SLC51B: variants seen among roughly 807,000 people sequenced by gnomAD.
SLC51B encodes the protein SLC51 subunit beta, also known as organic solute transporter subunit beta.
A neutral mutation model predicts 8.0 loss-of-function variants in SLC51B; 6 were observed. The ratio of observed to expected loss-of-function variants is 0.75; its 90% CI spans 0.41 to 1.48. The LOEUF is 1.48. Ranked by LOEUF, SLC51B falls within the 40% of genes most tolerant of loss-of-function variation. SLC51B has a pLI of 0.01. For synonymous variants in SLC51B, 61 were observed against 54.8 expected (o/e 1.11, Z -0.50); for missense variants, 150 against 149.7 (o/e 1.00, Z -0.01).
intron 1 of SLC51B, among the ~76,000 whole-genome samples, chr15:65,046,192 T>G (rs892719971): frequency 6.6e-6 from 1 of 152,236 alleles, no homozygotes; most frequent in Non-Finnish European, 1.5e-5. Context: ...TCCCAGCTAC[T>G]CAGGAAGCTG....
intron 3 of SLC51B, 114 bp downstream of exon 3, chr15:65,051,719 G>A: frequency 3.3e-6 from 3 of 912,946 alleles, no homozygotes; most frequent in Non-Finnish European, 5.1e-6. Context: ...CACCCTTTGG[G>A]ACAGCAAAAT....
intron 1 of SLC51B, chr15:65,049,334 A>G (rs565980123): frequency 2.0e-5 from 3 of 150,600 alleles, no homozygotes; most frequent in Non-Finnish European, 1.5e-5. Flanking sequence ...GTCCAAAAAA[A>G]AAAGAAAAAG....
chr15:65,048,185 GAA>G (rs1566949973), intron 1 of SLC51B, among the ~76,000 whole-genome samples: 1 of 95,392 alleles, frequency 1.0e-5, no homozygotes, highest in Non-Finnish European at 2.1e-5. Context: ...CGTCTCAAAA[GAA>G]AAAAAAAGAA....
chr15:65,045,791 T>C (rs1382609875), intron 1 of SLC51B, among the ~76,000 whole-genome samples: 1 of 152,206 alleles, frequency 6.6e-6, no homozygotes, highest in Non-Finnish European at 1.5e-5. Flanking sequence ...AAAATGCAAA[T>C]AAGGCATAAA....
At chr15:65,047,714 G>A (rs2086594481) in intron 1 of SLC51B, among the ~76,000 whole-genome samples, 2 of 152,102 alleles carry the variant, frequency 1.3e-5, no homozygotes, top group Non-Finnish European at 2.9e-5. Context: ...CACATCTGTT[G>A]GCCATTCTTG....
In SLC51B at chr15:65,053,282, CTTTCTTTTTTTT is replaced by C. The variant is rs2086680222; in HGVS notation, c.*125_*136del. The stretch of plus-strand genomic sequence containing the variant: ...AGAAGCCGCTTTTTTCTTTTTCTTT[CTTTCTTTTTTTT>C]TTTCTTAGCAGATACAATGAATGAA... On this transcript the variant is annotated 3_prime_UTR_variant, in exon 4 of 4. Coordinates refer to ENST00000334287, the MANE Select transcript of SLC51B (RefSeq NM_178859.4). 7.0e-7 allele frequency: 1 copy of C among 1,428,046 alleles called. No homozygotes were observed. The allele number at this position is 1,428,046 out of a possible 1,614,324, so 88.5% of individuals were successfully genotyped here.
intron 1 of SLC51B, among the ~76,000 whole-genome samples, chr15:65,048,874 G>A (rs2086609586): frequency 6.6e-6 from 1 of 152,086 alleles, no homozygotes; most frequent in Non-Finnish European, 1.5e-5. Context: ...TGGGGCGGTA[G>A]TGACATGCGC....
At chr15:65,047,806 T>C (rs980573904) in intron 1 of SLC51B, among the ~76,000 whole-genome samples, 1 of 148,046 alleles carries the variant, frequency 6.8e-6, no homozygotes, top group Non-Finnish European at 1.5e-5. Flanking sequence ...GATAGATAGA[T>C]AGATAGATAG....
chr15:65,051,665 C>CA, intron 3 of SLC51B, 60 bp downstream of exon 3: 1 of 1,527,242 alleles, frequency 6.5e-7, no homozygotes, highest in Admixed American at 1.7e-5. Flanking sequence ...CCTGCCTTCC[C>CA]AGAGGGAAAT....
intron 3 of SLC51B, among the ~76,000 whole-genome samples, chr15:65,052,140 G>A (rs1439932661): frequency 6.6e-6 from 1 of 152,174 alleles, no homozygotes; most frequent in Non-Finnish European, 1.5e-5. Flanking sequence ...TTGGGGGAGG[G>A]GAGTGATGTG....
chr15:65,047,871 T>C (rs1258024075), intron 1 of SLC51B, among the ~76,000 whole-genome samples: 1 of 152,082 alleles, frequency 6.6e-6, no homozygotes, highest in Non-Finnish European at 1.5e-5. Flanking sequence ...GCAGTGTGCA[T>C]GTGAGTCCTT....
intron 1 of SLC51B, among the ~76,000 whole-genome samples, chr15:65,048,144 G>A (rs1312584722): frequency 6.6e-6 from 1 of 150,988 alleles, no homozygotes; most frequent in Non-Finnish European, 1.5e-5. Context: ...TCACGTCACT[G>A]CACTCCAGCC....
At position 65,049,576 on chromosome 15, in the gene SLC51B, C is replaced by T. The variant is rs139181205; in HGVS notation, c.-108-321C>T. ...GTTGCTATGGCAACGCGTGGGCGCG[C>T]TGTGGGCTCGTAGAAGCCAGGTGCG... On this transcript the variant is annotated intron_variant, in intron 1 of 3. Coordinates refer to ENST00000334287, the MANE Select transcript of SLC51B (RefSeq NM_178859.4). The T allele has an allele frequency of 3.4e-3, 519 of 153,526 alleles. 4 individuals carry two copies. The highest frequency in any genetic ancestry group is 0.01 in the Middle Eastern group (3 of 298). 9.5% of individuals were successfully genotyped at this position (153,526 alleles called of 1,614,324 possible).
chr15:65,048,736 C>T (rs1461240897), intron 1 of SLC51B, among the ~76,000 whole-genome samples: 4 of 152,174 alleles, frequency 2.6e-5, no homozygotes, highest in African/African-American at 4.8e-5. Context: ...GGGTCAGGCG[C>T]GGTGGCTCAC....
In SLC51B at chr15:65,053,044, A is replaced by G. The variant is rs752556839; in HGVS notation, c.267A>G (p.Leu89=). 3.1e-6 allele frequency: 5 copies of G among 1,613,990 alleles called. No homozygotes were observed. The highest frequency in any genetic ancestry group is 4.2e-6 in the Non-Finnish European group (5 of 1,180,020). The change falls in exon 4 of 4, where the codon CTA becomes CTG. Residue 89 remains leucine (L), a synonymous_variant. Transcript: ENST00000334287. ...HLDEAKDHNS[L]NNLRETLLSE... ...ATGAGGCCAAGGATCACAACAGCCTAAACAACCTAAGAGAAACTTTGCTCT... is the reference window on the plus strand; with the variant it reads ...ATGAGGCCAAGGATCACAACAGCCTGAACAACCTAAGAGAAACTTTGCTCT...
At position 65,051,555 on chromosome 15, in the gene SLC51B, G is replaced by A. The variant is rs776189674; in HGVS notation, c.138G>A (p.Val46=). 8.7e-6 allele frequency: 14 copies of A among 1,613,820 alleles called. No homozygotes were observed. Among genetic ancestry groups the A allele is most frequent in the Non-Finnish European group, 1.1e-5 (13 of 1,179,852 alleles). ...WNHSILALAA[V]VVIISMVLLG... is the part of the protein sequence containing the mutation. ...ATTCCATCCTTGCCCTGGCAGCTGT[G>A]GTGGTCATTATAAGCATGGTCCTCC... The change falls in exon 3 of 4, where the codon GTG becomes GTA. Residue 46 remains valine, a synonymous_variant. Coordinates refer to ENST00000334287, the MANE Select transcript of SLC51B (RefSeq NM_178859.4).
At chr15:65,045,974 C>T (rs867981315) in intron 1 of SLC51B, among the ~76,000 whole-genome samples, 1 of 151,036 alleles carries the variant, frequency 6.6e-6, no homozygotes. Context: ...GAGACCACCC[C>T]GGCTAACGTG....
At position 65,050,026 on chromosome 15, in the gene SLC51B, C is replaced by T. The variant is rs757045853; in HGVS notation, c.22C>T (p.Pro8Ser). 9.0e-6 allele frequency: 14 copies of T among 1,551,396 alleles called. No homozygotes were observed. The South Asian group carries it at 1.5e-4, about 17-fold the overall frequency. The change falls in exon 2 of 4, where the codon CCC becomes TCC. Residue 8 changes from proline to serine, a missense_variant. By Grantham distance (74) the Pro-to-Ser change is moderately conservative. Coordinates refer to ENST00000334287, the MANE Select transcript of SLC51B (RefSeq NM_178859.4). MEHSEGA[P>S]GDPAGTVVPQ... is the part of the protein sequence containing the mutation. ...GGGCATGGAGCACAGTGAGGGGGCTCCCGGAGACCCAGCCGGTACTGTGGT... is the reference window on the plus strand; with the variant it reads ...GGGCATGGAGCACAGTGAGGGGGCTTCCGGAGACCCAGCCGGTACTGTGGT...
rs1428886915 is a variant in SLC51B, at chr15:65,052,957, T to C, written c.189-9T>C. ...CCCCCCTCATTAACACTGTTCCCTGTCCCCCCAGAAAAGAAAAGATGCAGC... is the reference window on the plus strand; with the variant it reads ...CCCCCCTCATTAACACTGTTCCCTGCCCCCCCAGAAAAGAAAAGATGCAGC... On this transcript the variant is annotated splice_polypyrimidine_tract_variant and intron_variant, in intron 3 of 3. Coordinates refer to ENST00000334287, the MANE Select transcript of SLC51B (RefSeq NM_178859.4). 3 of 1,399,780 alleles carry C rather than the reference T, an allele frequency of 2.1e-6. No individual in the cohort carries two copies. Among genetic ancestry groups the C allele is most frequent in the African/African-American group, 3.0e-5 (2 of 66,448 alleles). 86.7% of individuals were successfully genotyped at this position (1,399,780 alleles called of 1,614,324 possible).
Sources: gnomAD v4.1 joint callset for allele counts (sites outside exome capture counted in the v4.1 genomes callset) on GRCh38, gnomAD v4.1.1 for gene constraint, MANE v1.5 for transcripts, NCBI Gene and HGNC (gene_info 2026-07-23, HGNC 2026-07-21) for gene names.